Variants in PNPT1 observed in about 807,000 individuals in gnomAD.
The protein encoded by PNPT1 is polyribonucleotide nucleotidyltransferase 1, mitochondrial.
PNPT1 carries 53 observed loss-of-function variants against 119.5 expected under a neutral mutation model. The ratio of observed to expected loss-of-function variants is 0.44; its 90% confidence interval spans 0.36 to 0.56. The LOEUF (loss-of-function observed/expected upper bound fraction) is 0.56, where lower values mean the gene tolerates loss of function less well. Among genes scored for constraint, PNPT1 ranks in the 20% least tolerant of loss-of-function variants. PNPT1 has a pLI of 0.00. For synonymous variants in PNPT1, 357 were observed against 322.1 expected (o/e 1.11, Z -1.16); for missense variants, 948 against 938.5 (o/e 1.01, Z -0.13).
At chr2:55,691,865 TATATATATATA>T (rs1356150362) in intron 1 of PNPT1, among the ~76,000 whole-genome samples, 374 of 26,102 alleles carry the variant, frequency 0.014, 6 homozygotes, top group African/African-American at 0.034. Context: ...TATATATATA[TATATATATATA>T]TATTTTTTTT....
At chr2:55,662,472 C>T (rs552876615) in intron 13 of PNPT1, among the ~76,000 whole-genome samples, 3 of 152,108 alleles carry the variant, frequency 2.0e-5, no homozygotes, top group Admixed American at 6.5e-5. Flanking sequence ...GTCAGGAATT[C>T]GAGATCAGCC....
chr2:55,655,732 T>C (rs1400319636), intron 17 of PNPT1, among the ~76,000 whole-genome samples: 1 of 152,236 alleles, frequency 6.6e-6, no homozygotes, highest in African/African-American at 2.4e-5. Flanking sequence ...AAATTTTTTA[T>C]TTAAATGTGA....
intron 18 of PNPT1, among the ~76,000 whole-genome samples, 176 bp downstream of exon 18, chr2:55,654,724 A>G (rs1696329343): frequency 6.6e-6 from 1 of 152,154 alleles, no homozygotes. Flanking sequence ...ACAGGTGTGT[A>G]TAAAAGGTTA....
At chr2:55,674,470 G>A (rs1187063043) in intron 8 of PNPT1, among the ~76,000 whole-genome samples, 1 of 152,148 alleles carries the variant, frequency 6.6e-6, no homozygotes, top group Non-Finnish European at 1.5e-5. Flanking sequence ...GCGTGCACCT[G>A]TAGTCCCAGC....
chr2:55,682,357 G>A (rs1403677839), intron 5 of PNPT1, among the ~76,000 whole-genome samples: 1 of 151,364 alleles, frequency 6.6e-6, no homozygotes, highest in Non-Finnish European at 1.5e-5. Context: ...CTACTCAGGA[G>A]GCTGAGGCAG....
chr2:55,646,914 C>T (rs1696021252), intron 19 of PNPT1, among the ~76,000 whole-genome samples: 1 of 152,146 alleles, frequency 6.6e-6, no homozygotes, highest in Non-Finnish European at 1.5e-5. Flanking sequence ...TCTTGGCTCA[C>T]TGCAACCTCT....
intron 13 of PNPT1, among the ~76,000 whole-genome samples, chr2:55,666,440 G>A (rs912907502): frequency 1.3e-5 from 2 of 152,072 alleles, no homozygotes; most frequent in African/African-American, 4.8e-5. Flanking sequence ...TTATCTTGCT[G>A]GTTTCTCAGT....
chr2:55,666,932 T>A, intron 13 of PNPT1, 59 bp downstream of exon 13: 1 of 1,107,174 alleles, frequency 9.0e-7, no homozygotes, highest in Non-Finnish European at 1.3e-6. Flanking sequence ...TGTACTTCTA[T>A]TAGATCTAAT....
chr2:55,636,781 A>G (rs1352790779), intron 27 of PNPT1, among the ~76,000 whole-genome samples: 1 of 152,218 alleles, frequency 6.6e-6, no homozygotes, highest in African/African-American at 2.4e-5. Context: ...CTACTGCTCA[A>G]AGGACCAACA....
intron 1 of PNPT1, among the ~76,000 whole-genome samples, chr2:55,692,751 T>TGA (rs1441964934): frequency 1.3e-5 from 2 of 152,170 alleles, no homozygotes; most frequent in Admixed American, 1.3e-4. Flanking sequence ...TGACTTTTCC[T>TGA]TTTCCTCCTA....
rs552419085 is a variant in PNPT1 at position 55,642,373 on chromosome 2, G to A, written c.2069+785C>T. Reference sequence around the variant, plus strand: ...TGTAATCCCAGTACTTTGGGAGGCCGAGGGGGGCGGATCACAAGGTCAGGA... The same window carrying A: ...TGTAATCCCAGTACTTTGGGAGGCCAAGGGGGGCGGATCACAAGGTCAGGA... On this transcript the variant is annotated intron_variant, in intron 25 of 27. Coordinates refer to ENST00000447944, the MANE Select transcript of PNPT1 (RefSeq NM_033109.5). 5.3e-5 allele frequency among the ~76,000 whole-genome samples: 8 copies of A among 151,940 alleles called. No individual in the cohort carries two copies. In the East Asian group the frequency reaches 7.8e-4, roughly 15 times the overall value.
At chr2:55,681,969 G>A (rs1442845887) in intron 5 of PNPT1, among the ~76,000 whole-genome samples, 3 of 151,642 alleles carry the variant, frequency 2.0e-5, no homozygotes, top group Admixed American at 6.6e-5. Flanking sequence ...GTGAAACCCC[G>A]TCTCTACTAA....
rs371376687 is a variant in PNPT1 at position 55,660,333 on chromosome 2, G to T, written c.1248-140C>A. ...AATCAGACTGAAACTGAAAACCAAA[G>T]AATTAATTAGAAGGATGATTGTGAG... On this transcript the variant is annotated intron_variant, in intron 14 of 27. Transcript: ENST00000447944. 3.7e-5 allele frequency: 30 copies of T among 815,858 alleles called. No individual in the cohort carries two copies. In the East Asian group the frequency reaches 8.7e-4, roughly 24 times the overall value. The allele number at this position is 815,858 out of a possible 1,614,324, so 50.5% of individuals were successfully genotyped here. A position where few individuals can be genotyped will look rare whatever the true frequency, so the allele number is the denominator to read the frequency against.
chr2:55,690,148 T>C (rs951774409), intron 1 of PNPT1, among the ~76,000 whole-genome samples: 1 of 152,180 alleles, frequency 6.6e-6, no homozygotes, highest in African/African-American at 2.4e-5. Context: ...ATTAACTGTA[T>C]GGTATGTGAA....
Position 55,635,169 on chromosome 2 carries a change from G to C in PNPT1, c.*1068C>G, listed in dbSNP as rs1482179927. 1 of 152,158 alleles carries C rather than the reference G, an allele frequency of 6.6e-6. No homozygotes were observed. The highest frequency in any genetic ancestry group is 2.4e-5 in the African/African-American group (1 of 41,426). The allele number at this position is 152,158 out of a possible 1,614,324, so 9.4% of individuals were successfully genotyped here. ...TTTAAATGATGGGAATGAACAACTT[G>C]ACATGTGTATCAGTAACCTCTAAAC... On this transcript the variant is annotated 3_prime_UTR_variant, in exon 28 of 28. Coordinates refer to ENST00000447944, the MANE Select transcript of PNPT1 (RefSeq NM_033109.5).
chr2:55,670,127 A>G (rs1445025376), intron 11 of PNPT1, among the ~76,000 whole-genome samples: 1 of 152,082 alleles, frequency 6.6e-6, no homozygotes, highest in South Asian at 2.1e-4. Flanking sequence ...AACAAAAACT[A>G]TGTCATACTT....
At chr2:55,653,431 C>T (rs72805501) in intron 18 of PNPT1, among the ~76,000 whole-genome samples, 4,938 of 152,194 alleles carry the variant, frequency 0.032, 113 homozygotes, top group South Asian at 0.092. Context: ...GTAAAGACTC[C>T]CCTATGATGT....
At chr2:55,651,141 C>T (rs1318627219) in intron 18 of PNPT1, among the ~76,000 whole-genome samples, 2 of 150,440 alleles carry the variant, frequency 1.3e-5, no homozygotes, top group African/African-American at 2.4e-5. Flanking sequence ...GCCCGGCCGC[C>T]CCTACTGGGA....
chr2:55,652,422 C>T (rs866635635), intron 18 of PNPT1, among the ~76,000 whole-genome samples: 1 of 152,116 alleles, frequency 6.6e-6, no homozygotes, highest in African/African-American at 2.4e-5. Context: ...TATTAAGCTC[C>T]ATATTTTTTT....
Sources: gnomAD v4.1 joint callset for allele counts (sites outside exome capture counted in the v4.1 genomes callset) on GRCh38, gnomAD v4.1.1 for gene constraint, MANE v1.5 for transcripts, NCBI Gene and HGNC (gene_info 2026-07-23, HGNC 2026-07-21) for gene names.